Variants in NUTF2 observed in about 807,000 individuals in gnomAD.
NUTF2 encodes placental protein 15.
NUTF2 carries 3 observed loss-of-function variants against 18.5 expected under a neutral mutation model. The observed-to-expected ratio is 0.16, with a 90% CI of 0.07 to 0.42. The LOEUF (loss-of-function observed/expected upper bound fraction) is 0.42. NUTF2 is among the 10% of genes least tolerant of loss of function. NUTF2 has a pLI of 0.99. For synonymous variants in NUTF2, 51 were observed against 57.9 expected (o/e 0.88, Z 0.54); for missense variants, 44 against 160.7 (o/e 0.27, Z 3.93).
At chr16:67,847,750 A>G (rs968513622) in intron 1 of NUTF2, 3 of 152,560 alleles carry the variant, frequency 2.0e-5, no homozygotes, top group African/African-American at 4.8e-5. Context: ...GCCCTTCTCT[A>G]TCAGTGACCA....
chr16:67,864,246 C>CA (rs1329506445), intron 1 of NUTF2, among the ~76,000 whole-genome samples: 1 of 152,220 alleles, frequency 6.6e-6, no homozygotes, highest in Non-Finnish European at 1.5e-5. Flanking sequence ...TACAGTGGCT[C>CA]ACGCCTGTAA....
At chr16:67,849,222 A>G (rs1221152579) in intron 1 of NUTF2, among the ~76,000 whole-genome samples, 1 of 152,240 alleles carries the variant, frequency 6.6e-6, no homozygotes, top group Non-Finnish European at 1.5e-5. Context: ...AGAAGCAGTT[A>G]TTTCAAGACC....
At chr16:67,850,366 G>A (rs1262494986) in intron 1 of NUTF2, among the ~76,000 whole-genome samples, 5 of 151,810 alleles carry the variant, frequency 3.3e-5, no homozygotes, top group Admixed American at 6.6e-5. Flanking sequence ...CACCACGCCC[G>A]GCTAATTTTT....
Position 67,870,975 on chromosome 16 carries a change from A to G in NUTF2, c.*62A>G. The G allele has an allele frequency of 8.3e-7, 1 of 1,198,800 alleles. No homozygotes were observed. Among genetic ancestry groups the G allele is most frequent in the Non-Finnish European group, 1.2e-6 (1 of 807,998 alleles). 74.3% of individuals were successfully genotyped at this position (1,198,800 alleles called of 1,614,324 possible). A position where few individuals can be genotyped will look rare whatever the true frequency, so the allele number is the denominator to read the frequency against. ...CCCTCCTCTTCCCAATACTATTCCC[A>G]CTCCTCCAGATGCTCCAAATATCAT... On this transcript the variant is annotated 3_prime_UTR_variant, in exon 5 of 5. Transcript: ENST00000219169.
chr16:67,860,267 T>C (rs952317211), intron 1 of NUTF2, among the ~76,000 whole-genome samples: 32 of 151,450 alleles, frequency 2.1e-4, no homozygotes, highest in Non-Finnish European at 2.4e-4. Flanking sequence ...GTGTGAGCCA[T>C]CATGCCCAGC....
rs1285826663 is a variant in NUTF2 at position 67,846,977 on chromosome 16, G to A, written c.-38G>A. 1 of 152,454 alleles carries A rather than the reference G, an allele frequency of 6.6e-6. No individual in the cohort carries two copies. The highest frequency in any genetic ancestry group is 1.5e-5 in the Non-Finnish European group (1 of 68,196). The allele number at this position is 152,454 out of a possible 1,614,324, so 9.4% of individuals were successfully genotyped here. On this transcript the variant is annotated 5_prime_UTR_variant, in exon 1 of 5. Coordinates refer to ENST00000219169, the MANE Select transcript of NUTF2 (RefSeq NM_005796.3). ...CGCTGCCGCTGCCGCCATCGTGCCA[G>A]CCCCTCGGGTGAGTGTCGGGGCCAG...
At chr16:67,857,477 C>T (rs1241327278) in intron 1 of NUTF2, among the ~76,000 whole-genome samples, 1 of 152,110 alleles carries the variant, frequency 6.6e-6, no homozygotes, top group Non-Finnish European at 1.5e-5. Context: ...AGGGGAGTGG[C>T]GGGCCAGGCA....
At chr16:67,857,171 A>G (rs12930280) in intron 1 of NUTF2, among the ~76,000 whole-genome samples, 2 of 152,184 alleles carry the variant, frequency 1.3e-5, no homozygotes, top group Non-Finnish European at 2.9e-5. Context: ...TCATGGCCTG[A>G]GGCTCAGTTC....
intron 1 of NUTF2, among the ~76,000 whole-genome samples, chr16:67,864,163 C>T (rs2057952864): frequency 1.3e-5 from 2 of 152,136 alleles, no homozygotes; most frequent in Admixed American, 6.5e-5. Context: ...CACCTGGCCT[C>T]GGGGAAGTAA....
intron 1 of NUTF2, among the ~76,000 whole-genome samples, chr16:67,848,850 C>T (rs914198120): frequency 3.9e-5 from 6 of 152,066 alleles, no homozygotes; most frequent in Admixed American, 6.6e-5. Context: ...TGATTGAGAC[C>T]CAAGGTGAAG....
At chr16:67,862,319 A>G (rs1316368503) in intron 1 of NUTF2, among the ~76,000 whole-genome samples, 1 of 152,136 alleles carries the variant, frequency 6.6e-6, no homozygotes, top group Non-Finnish European at 1.5e-5. Context: ...TGTTGTGATC[A>G]CTACTTGGAA....
At chr16:67,854,894 A>G (rs2057884367) in intron 1 of NUTF2, among the ~76,000 whole-genome samples, 1 of 152,050 alleles carries the variant, frequency 6.6e-6, no homozygotes, top group Non-Finnish European at 1.5e-5. Flanking sequence ...GTGAGCCAAG[A>G]TCGCGCCACT....
chr16:67,865,410 T>C (rs2057963740), intron 2 of NUTF2, among the ~76,000 whole-genome samples, 181 bp downstream of exon 2: 1 of 152,184 alleles, frequency 6.6e-6, no homozygotes, highest in Non-Finnish European at 1.5e-5. Flanking sequence ...GTCTATACTT[T>C]TCCTTTTGTC....
chr16:67,860,816 C>T (rs923292815), intron 1 of NUTF2, among the ~76,000 whole-genome samples: 10 of 152,216 alleles, frequency 6.6e-5, no homozygotes, highest in African/African-American at 1.4e-4. Flanking sequence ...AGCGTCTTCT[C>T]GATCACTCTC....
chr16:67,860,242 G>A (rs1353937098), intron 1 of NUTF2, among the ~76,000 whole-genome samples: 1 of 152,180 alleles, frequency 6.6e-6, no homozygotes, highest in Non-Finnish European at 1.5e-5. Flanking sequence ...GCCTCCCAAA[G>A]TGCTGGAATT....
At chr16:67,849,244 C>T (rs1365263476) in intron 1 of NUTF2, among the ~76,000 whole-genome samples, 1 of 152,236 alleles carries the variant, frequency 6.6e-6, no homozygotes, top group Non-Finnish European at 1.5e-5. Flanking sequence ...TGTAGATTGT[C>T]TGCGTGGGTA....
chr16:67,847,807 A>G lies in NUTF2; in HGVS notation c.-30+822A>G, dbSNP rs140517527. The G allele has an allele frequency of 8.1e-3, 1,232 of 152,518 alleles. 8 individuals carry two copies. Among genetic ancestry groups the G allele is most frequent in the African/African-American group, 0.023 (944 of 41,594 alleles). The allele number at this position is 152,518 out of a possible 1,614,324, so 9.4% of individuals were successfully genotyped here. A position where few individuals can be genotyped will look rare whatever the true frequency, so the allele number is the denominator to read the frequency against. On this transcript the variant is annotated intron_variant, in intron 1 of 4. Transcript: ENST00000219169. ...TTGCCCCGCAGGACAGGATGACTTCATAAGAATGGGATGTTAAGGTGGGAC... is the reference window on the plus strand; with the variant it reads ...TTGCCCCGCAGGACAGGATGACTTCGTAAGAATGGGATGTTAAGGTGGGAC...
rs539987262 is a variant in NUTF2, at chr16:67,871,846, C to T, written c.*933C>T. The T allele has an allele frequency of 5.9e-5, 9 of 152,466 alleles. No homozygotes were observed. The highest frequency in any genetic ancestry group is 2.2e-4 in the African/African-American group (9 of 41,568). 9.4% of individuals were successfully genotyped at this position (152,466 alleles called of 1,614,324 possible). A position where few individuals can be genotyped will look rare whatever the true frequency, so the allele number is the denominator to read the frequency against. ...CTCCTGTCCCATCTGCTTTGGATAT[C>T]TTTACCCAAAGGCAGGTAACCCGAA... On this transcript the variant is annotated 3_prime_UTR_variant, in exon 5 of 5. Transcript: ENST00000219169.
intron 1 of NUTF2, among the ~76,000 whole-genome samples, chr16:67,860,524 G>T (rs1193538371): frequency 5.9e-5 from 9 of 152,216 alleles, no homozygotes; most frequent in Admixed American, 5.9e-4. Context: ...TCCTGCGTGG[G>T]CCTCCCAAAG....
Sources: allele counts gnomAD v4.1 joint callset (sites outside exome capture counted in the v4.1 genomes callset), GRCh38; gene constraint gnomAD v4.1.1; transcripts MANE v1.5; gene names NCBI Gene and HGNC (gene_info 2026-07-23, HGNC 2026-07-21).